The following RBFOX3 variants were observed in gnomAD, a reference collection of about 807,000 sequenced individuals.
RBFOX3 encodes RNA binding protein fox-1 homolog 3.
In RBFOX3, 17 loss-of-function variants were observed where a neutral mutation model predicts 48.7. That is an observed-to-expected ratio of 0.35 (90% CI 0.24 to 0.52). The LOEUF is 0.52. Ranked by LOEUF, RBFOX3 falls within the 20% of genes least tolerant of loss-of-function variation. The pLI, the probability that RBFOX3 is intolerant of heterozygous loss-of-function variation, is 0.94. For synonymous variants in RBFOX3, 212 were observed against 209.5 expected (o/e 1.01, Z -0.10); for missense variants, 382 against 497.5 (o/e 0.77, Z 2.21).
chr17:79,460,742 G>A (rs2075266517), intron 2 of RBFOX3, among the ~76,000 whole-genome samples: 1 of 152,170 alleles, frequency 6.6e-6, no homozygotes, highest in South Asian at 2.1e-4. Flanking sequence ...ATAAAAGTGA[G>A]TTCAGCTCCC....
chr17:79,324,781 G>T (rs1237652212), intron 2 of RBFOX3, among the ~76,000 whole-genome samples: 1 of 152,216 alleles, frequency 6.6e-6, no homozygotes, highest in South Asian at 2.1e-4. Context: ...CTGCACCCGT[G>T]GGAGGCAGAC....
rs777647464 is a variant in RBFOX3, at chr17:79,477,543, G to A, written c.-175+4911C>T. On this transcript the variant is annotated intron_variant, in intron 2 of 14. Transcript: ENST00000693108. The surrounding 1 kb of genome is among the most constrained non-coding windows in gnomAD (Gnocchi z 4.8). ...CGCACTCCAGCCTGGGCGACAGAGC[G>A]AAACTCCGTCACCGGAAAAAAAAAA... 5.0e-4 allele frequency among the ~76,000 whole-genome samples: 75 copies of A among 149,094 alleles called. No homozygotes were observed. The highest frequency in any genetic ancestry group is 1.3e-3 in the South Asian group (6 of 4,532).
chr17:79,612,900 C>T (rs2093979812), upstream of RBFOX3, among the ~76,000 whole-genome samples: 1 of 152,210 alleles, frequency 6.6e-6, no homozygotes, highest in Non-Finnish European at 1.5e-5. Flanking sequence ...GTCGGTCCCG[C>T]TTGTCCCTTG....
chr17:79,289,919 G>A (rs750987171), intron 3 of RBFOX3, among the ~76,000 whole-genome samples: 19 of 152,160 alleles, frequency 1.2e-4, no homozygotes, highest in Non-Finnish European at 2.8e-4. Flanking sequence ...GGGTGGCCAG[G>A]GACTGCTCCA....
intron 2 of RBFOX3, among the ~76,000 whole-genome samples, chr17:79,444,308 T>A (rs2071783073): frequency 6.6e-6 from 1 of 151,990 alleles, no homozygotes; most frequent in Admixed American, 6.5e-5. Context: ...GACCCACCCC[T>A]CTTATGGCCT....
chr17:79,395,846 C>A (rs866610725), intron 2 of RBFOX3, among the ~76,000 whole-genome samples: 1 of 152,254 alleles, frequency 6.6e-6, no homozygotes, highest in Admixed American at 6.5e-5. Flanking sequence ...CCCCTCCTGG[C>A]TGTGGGAGCA....
intron 4 of RBFOX3, among the ~76,000 whole-genome samples, chr17:79,129,995 C>T (rs945929246): frequency 6.6e-6 from 1 of 152,114 alleles, no homozygotes; most frequent in Non-Finnish European, 1.5e-5. Flanking sequence ...AGGGCAGGGG[C>T]TGCCCTGCGG....
At chr17:79,419,390 C>T (rs1260755971) in intron 2 of RBFOX3, among the ~76,000 whole-genome samples, 1 of 152,220 alleles carries the variant, frequency 6.6e-6, no homozygotes, top group Non-Finnish European at 1.5e-5. Context: ...CTGCCAAGAC[C>T]TACGTCTTGG....
In RBFOX3 at chr17:79,362,563, G is replaced by A. The variant is rs948838296; in HGVS notation, c.-174-54739C>T. 1.8e-4 allele frequency among the ~76,000 whole-genome samples: 27 copies of A among 152,346 alleles called. No individual in the cohort carries two copies. Among genetic ancestry groups the A allele is most frequent in the African/African-American group, 6.5e-4 (27 of 41,592 alleles). On this transcript the variant is annotated intron_variant, in intron 2 of 14. Coordinates refer to ENST00000693108, the MANE Select transcript of RBFOX3 (RefSeq NM_001350451.2). The surrounding 1 kb of genome is among the most constrained non-coding windows in gnomAD (Gnocchi z 4.2). ...TGGCTGTGGCTTGGGATGGAGATGGGAGCCTTTATGTCCCGCGTGTGAGGG... is the reference window on the plus strand; with the variant it reads ...TGGCTGTGGCTTGGGATGGAGATGGAAGCCTTTATGTCCCGCGTGTGAGGG...
At position 79,421,262 on chromosome 17, in the gene RBFOX3, C is replaced by A. The variant is rs1163406029; in HGVS notation, c.-175+61192G>T. On this transcript the variant is annotated intron_variant, in intron 2 of 14. Transcript: ENST00000693108. The surrounding 1 kb of genome is among the most constrained non-coding windows in gnomAD (Gnocchi z 4.5). ...TCTTTTAGCTGTAATGAACCCTGAGCGTGAGAACCATGACTGCTGGGCTCC... is the reference window on the plus strand; with the variant it reads ...TCTTTTAGCTGTAATGAACCCTGAGAGTGAGAACCATGACTGCTGGGCTCC... 1.3e-5 allele frequency among the ~76,000 whole-genome samples: 2 copies of A among 152,188 alleles called. No homozygotes were observed. The highest frequency in any genetic ancestry group is 3.9e-4 in the East Asian group (2 of 5,186).
intron 1 of RBFOX3, among the ~76,000 whole-genome samples, chr17:79,517,455 A>AC (rs1405820464): frequency 1.3e-5 from 2 of 151,504 alleles, no homozygotes; most frequent in East Asian, 1.9e-4. Context: ...AAAAAAAAAA[A>AC]AAAAAACAAA....
intron 4 of RBFOX3, among the ~76,000 whole-genome samples, chr17:79,149,688 A>G (rs1477802561): frequency 6.6e-6 from 1 of 151,686 alleles, no homozygotes; most frequent in East Asian, 2.0e-4. Context: ...CCGCCCGCTC[A>G]GGCCTTCTCT....
chr17:79,593,736 G>A (rs2093487684), intron 1 of RBFOX3, among the ~76,000 whole-genome samples: 1 of 152,250 alleles, frequency 6.6e-6, no homozygotes, highest in African/African-American at 2.4e-5. Context: ...GAGTCGGGGA[G>A]CGACGGAACC....
At chr17:79,335,283 G>A (rs2081014225) in intron 2 of RBFOX3, among the ~76,000 whole-genome samples, 1 of 152,234 alleles carries the variant, frequency 6.6e-6, no homozygotes, top group Admixed American at 6.5e-5. Flanking sequence ...CGACCAAAAG[G>A]AGATGCCTAG....
At chr17:79,468,403 G>A (rs2076591197) in intron 2 of RBFOX3, among the ~76,000 whole-genome samples, 1 of 152,066 alleles carries the variant, frequency 6.6e-6, no homozygotes, top group Non-Finnish European at 1.5e-5. Context: ...ATGGATGGAT[G>A]GACAGGTAGG....
chr17:79,477,076 T>C lies in RBFOX3; in HGVS notation c.-175+5378A>G, dbSNP rs1040139998. On this transcript the variant is annotated intron_variant, in intron 2 of 14. Transcript: ENST00000693108. The surrounding 1 kb of genome is among the most constrained non-coding windows in gnomAD (Gnocchi z 4.8). ...GGTGAAACCCCGTCTCTACTAAAAA[T>C]ACAAAAATTAGCCAGGCGTGGTGGT... Among the ~76,000 whole-genome samples, 4 of 150,038 alleles carry C rather than the reference T, an allele frequency of 2.7e-5. No individual in the cohort carries two copies. Among genetic ancestry groups the C allele is most frequent in the Non-Finnish European group, 3.0e-5 (2 of 67,636 alleles).
chr17:79,247,750 G>T (rs1339082649), intron 3 of RBFOX3, among the ~76,000 whole-genome samples: 1 of 152,172 alleles, frequency 6.6e-6, no homozygotes, highest in African/African-American at 2.4e-5. Flanking sequence ...GAGAAGGCAA[G>T]GCAGGACCCT....
intron 2 of RBFOX3, among the ~76,000 whole-genome samples, chr17:79,355,307 C>T (rs1015012334): frequency 3.9e-5 from 6 of 152,206 alleles, no homozygotes; most frequent in African/African-American, 7.2e-5. Context: ...TCTGGGGAGA[C>T]GTGTTGTTTG....
chr17:79,643,031 G>A, the RBFOX3 span, among the ~76,000 whole-genome samples: 1 of 152,154 alleles, frequency 6.6e-6, no homozygotes, highest in African/African-American at 2.4e-5. Flanking sequence ...AAGCCCAAGA[G>A]TTCAAGGTTG....
Sources: gnomAD v4.1 joint callset for allele counts (sites outside exome capture counted in the v4.1 genomes callset) on GRCh38, gnomAD v4.1.1 for gene constraint, Gnocchi (gnomAD v3.1) non-coding constraint, MANE v1.5 for transcripts, NCBI Gene and HGNC (gene_info 2026-07-23, HGNC 2026-07-21) for gene names.